The following CHL1 variants were observed in gnomAD, a reference collection of about 807,000 sequenced individuals.
CHL1 encodes the protein cell adhesion molecule L1 like.
A neutral mutation model predicts 141.9 loss-of-function variants in CHL1; 96 were observed. The ratio of observed to expected loss-of-function variants is 0.68; its 90% CI spans 0.57 to 0.80. The LOEUF (loss-of-function observed/expected upper bound fraction) is 0.80. Among genes scored for constraint, CHL1 ranks in the 30% least tolerant of loss-of-function variants. The pLI, the probability that CHL1 is intolerant of heterozygous loss-of-function variation, is 0.00. For missense variants in CHL1, 1,820 were observed against 1,457.2 expected, an observed-to-expected ratio of 1.25 and a Z score of -4.05; for synonymous variants, 613 against 502.2, an observed-to-expected ratio of 1.22 and a Z score of -2.95.
chr3:231,396 T>A (rs1218905104), intron 1 of CHL1, among the ~76,000 whole-genome samples: 4 of 152,092 alleles, frequency 2.6e-5, no homozygotes, highest in Non-Finnish European at 5.9e-5. Context: ...TAATTGCATA[T>A]GTACAATTTC....
At chr3:354,509 CAA>C in intron 10 of CHL1, 129 bp from the exon 11 acceptor site, 2 of 1,011,012 alleles carry the variant, frequency 2.0e-6, no homozygotes, top group Non-Finnish European at 2.8e-6. Flanking sequence ...GCAAGTTTAC[CAA>C]AAAGAGCTAC....
chr3:318,612 T>C (rs1385074546), intron 2 of CHL1, among the ~76,000 whole-genome samples: 1 of 151,572 alleles, frequency 6.6e-6, no homozygotes, highest in African/African-American at 2.4e-5. Flanking sequence ...AACTTTGAAA[T>C]GAATAAATAT....
At chr3:215,670 A>G (rs560248035) in intron 1 of CHL1, among the ~76,000 whole-genome samples, 3 of 152,318 alleles carry the variant, frequency 2.0e-5, no homozygotes, top group Admixed American at 6.5e-5. Context: ...TTGTGTATCA[A>G]TTAAAAACAC....
At chr3:304,062 C>G (rs1382582174) in intron 2 of CHL1, among the ~76,000 whole-genome samples, 4 of 152,076 alleles carry the variant, frequency 2.6e-5, no homozygotes. Flanking sequence ...GCCTTGCATC[C>G]CAGGTACGAA....
intron 1 of CHL1, among the ~76,000 whole-genome samples, chr3:219,617 T>A (rs1448024029): frequency 5.3e-5 from 8 of 152,184 alleles, no homozygotes; most frequent in Non-Finnish European, 1.2e-4. Context: ...ATACTGCATG[T>A]TCTCACTTAT....
chr3:370,338 T>C (rs1193115431), intron 15 of CHL1, among the ~76,000 whole-genome samples: 3 of 152,196 alleles, frequency 2.0e-5, no homozygotes, highest in Non-Finnish European at 4.4e-5. Context: ...GGTGTATGTG[T>C]CCAAGAATAT....
intron 2 of CHL1, among the ~76,000 whole-genome samples, chr3:311,566 CA>C (rs1559236356): frequency 2.0e-5 from 3 of 152,042 alleles, no homozygotes; most frequent in African/African-American, 7.2e-5. Context: ...CCACATAATC[CA>C]AATATCACCT....
chr3:305,732 G>A (rs1157832147), intron 2 of CHL1, among the ~76,000 whole-genome samples: 6 of 151,414 alleles, frequency 4.0e-5, no homozygotes, highest in Admixed American at 1.3e-4. Context: ...TAAATGTCTG[G>A]AAGTGTTCAT....
chr3:365,878 T>C (rs1704815807), intron 14 of CHL1, 72 bp from the exon 15 acceptor site: 5 of 1,273,458 alleles, frequency 3.9e-6, no homozygotes, highest in East Asian at 2.4e-5. Context: ...TTGGGTTACT[T>C]AACTTGCAGG....
At chr3:384,681 G>T (rs1263217205) in intron 19 of CHL1, 1 of 152,022 alleles carries the variant, frequency 6.6e-6, no homozygotes, top group African/African-American at 2.4e-5. Flanking sequence ...TACCTAAAAG[G>T]AAATTATCAT....
At chr3:240,369 T>G (rs456274) in intron 1 of CHL1, among the ~76,000 whole-genome samples, 123,478 of 152,228 alleles carry the variant, frequency 0.81, 50,535 homozygotes, top group Non-Finnish European at 0.87. Flanking sequence ...ATTTTTTTTC[T>G]TATGTTTGTT....
intron 1 of CHL1, among the ~76,000 whole-genome samples, chr3:240,561 C>T (rs1462551773): frequency 1.3e-5 from 2 of 152,156 alleles, no homozygotes; most frequent in Non-Finnish European, 2.9e-5. Context: ...TCTATTTATT[C>T]TGCTGACTGT....
chr3:303,407 T>C (rs958260206), intron 2 of CHL1, among the ~76,000 whole-genome samples: 2 of 152,074 alleles, frequency 1.3e-5, no homozygotes, highest in Non-Finnish European at 2.9e-5. Flanking sequence ...TGTCTTCTCT[T>C]GTTTCCTTGA....
intron 10 of CHL1, among the ~76,000 whole-genome samples, chr3:352,460 T>A (rs1387553064): frequency 6.6e-6 from 1 of 152,220 alleles, no homozygotes; most frequent in Non-Finnish European, 1.5e-5. Context: ...ACATGAGAAA[T>A]ATTTATCATC....
At chr3:314,926 A>G (rs895672336) in intron 2 of CHL1, among the ~76,000 whole-genome samples, 5 of 152,118 alleles carry the variant, frequency 3.3e-5, no homozygotes, top group African/African-American at 7.2e-5. Flanking sequence ...AGATTTTGCA[A>G]TCAATCTACT....
At chr3:323,149 A>G (rs913249837) in intron 3 of CHL1, among the ~76,000 whole-genome samples, 3 of 152,050 alleles carry the variant, frequency 2.0e-5, no homozygotes, top group African/African-American at 7.2e-5. Context: ...TTGTTCAGAT[A>G]GATATAGGTC....
At position 389,395 on chromosome 3, in the gene CHL1, T is replaced by C. The variant is rs781186782; in HGVS notation, c.2391T>C (p.Tyr797=). 10 of 1,614,228 alleles carry C rather than the reference T, an allele frequency of 6.2e-6. No homozygotes were observed. The South Asian group carries it at 7.7e-5, about 12-fold the overall frequency. The change falls in exon 20 of 28, where the codon TAT becomes TAC. Residue 797 remains tyrosine (Y), a synonymous_variant. Transcript: ENST00000256509. ...TGACGCCTGCTGTCTATGCCCCTTA[T>C]GATGTCAAGGTCCAGGCTATCAATC... ...RVMTPAVYAP[Y]DVKVQAINQL...
chr3:344,229 A>T lies in CHL1; in HGVS notation c.728-360A>T, dbSNP rs553520209. Among the ~76,000 whole-genome samples the T allele has an allele frequency of 6.6e-5, 10 of 152,348 alleles. No homozygotes were observed. In the South Asian group the frequency reaches 2.1e-3, roughly 32 times the overall value. On this transcript the variant is annotated intron_variant, in intron 8 of 27. Coordinates refer to ENST00000256509, the MANE Select transcript of CHL1 (RefSeq NM_006614.4). ...AATTCTTAGGCAATTTAAATTAAAT[A>T]AAAACATAAACATAAAGTCATTGCA...
intron 1 of CHL1, among the ~76,000 whole-genome samples, chr3:235,727 G>C (rs58003001): frequency 0.04 from 6,049 of 152,068 alleles, 175 homozygotes; most frequent in African/African-American, 0.085. Flanking sequence ...AGTCAGAACT[G>C]GGTCCTATTT....
Sources: gnomAD v4.1 joint callset for allele counts (sites outside exome capture counted in the v4.1 genomes callset) on GRCh38, gnomAD v4.1.1 for gene constraint, MANE v1.5 for transcripts, NCBI Gene and HGNC (gene_info 2026-07-23, HGNC 2026-07-21) for gene names.